Variants in PCCA observed in about 807,000 individuals in gnomAD.
The protein encoded by PCCA is propionyl-CoA carboxylase alpha chain, mitochondrial.
PCCA carries 74 observed loss-of-function variants against 101.3 expected under a neutral mutation model. That is an observed-to-expected ratio of 0.73 (90% CI 0.61 to 0.89). PCCA has a LOEUF of 0.89. Among genes scored for constraint, PCCA ranks in the 40% least tolerant of loss-of-function variants. PCCA has a pLI of 0.00. For synonymous variants in PCCA, 294 were observed against 313.6 expected (o/e 0.94, Z 0.66); for missense variants, 891 against 907.0 (o/e 0.98, Z 0.23).
intron 21 of PCCA, among the ~76,000 whole-genome samples, chr13:100,478,454 G>C (rs748429486): frequency 6.6e-6 from 1 of 152,160 alleles, no homozygotes; most frequent in Non-Finnish European, 1.5e-5. Flanking sequence ...TGCCTGGGAG[G>C]CCCCACCCCT....
chr13:100,194,761 G>C (rs1449016384), intron 6 of PCCA, among the ~76,000 whole-genome samples: 1 of 152,100 alleles, frequency 6.6e-6, no homozygotes, highest in Non-Finnish European at 1.5e-5. Flanking sequence ...CTAAACAAAA[G>C]ATCTCTTGCC....
chr13:100,217,136 T>A (rs2059567262), intron 7 of PCCA, among the ~76,000 whole-genome samples: 2 of 147,622 alleles, frequency 1.4e-5, no homozygotes, highest in African/African-American at 5.0e-5. Context: ...CACAAGAGAA[T>A]TTGAATCTAT....
At chr13:100,282,119 C>G (rs2064167969) in intron 12 of PCCA, among the ~76,000 whole-genome samples, 1 of 152,070 alleles carries the variant, frequency 6.6e-6, no homozygotes, top group Non-Finnish European at 1.5e-5. Context: ...ATCCTTTGCC[C>G]TTTGGGTTTT....
At chr13:100,117,411 A>G (rs61970359) in intron 4 of PCCA, among the ~76,000 whole-genome samples, 10,828 of 151,112 alleles carry the variant, frequency 0.072, 538 homozygotes, top group Non-Finnish European at 0.11. Flanking sequence ...ATTTGTATCC[A>G]TATGTACATT....
intron 6 of PCCA, among the ~76,000 whole-genome samples, chr13:100,192,219 A>G (rs958145682): frequency 6.6e-6 from 1 of 152,192 alleles, no homozygotes; most frequent in African/African-American, 2.4e-5. Context: ...CTTTAGTTCA[A>G]TTGCCATTAG....
intron 18 of PCCA, among the ~76,000 whole-genome samples, chr13:100,344,716 C>T (rs2071927152): frequency 6.6e-6 from 1 of 152,154 alleles, no homozygotes; most frequent in Non-Finnish European, 1.5e-5. Flanking sequence ...ACAGGCACAC[C>T]TCATTTCATT....
At chr13:100,441,568 AT>A (rs940754235) in intron 20 of PCCA, among the ~76,000 whole-genome samples, 27 of 152,330 alleles carry the variant, frequency 1.8e-4, no homozygotes, top group Non-Finnish European at 3.8e-4. Flanking sequence ...CTTCTAAAGT[AT>A]TTTTTAAAGA....
At chr13:100,132,104 C>A (rs1234808893) in intron 4 of PCCA, among the ~76,000 whole-genome samples, 6 of 151,998 alleles carry the variant, frequency 3.9e-5, no homozygotes, top group Non-Finnish European at 8.8e-5. Flanking sequence ...AAACAGGAGG[C>A]CTGCAGTGTT....
chr13:100,359,939 A>G (rs1175131627), intron 18 of PCCA, among the ~76,000 whole-genome samples: 2 of 152,188 alleles, frequency 1.3e-5, no homozygotes, highest in Non-Finnish European at 2.9e-5. Context: ...TGTGGAAGAA[A>G]TTGGCACATT....
At chr13:100,102,840 C>G in intron 1 of PCCA, 43 bp from the exon 2 acceptor site, 1 of 1,286,030 alleles carries the variant, frequency 7.8e-7, no homozygotes, top group Non-Finnish European at 1.1e-6. Context: ...GTTCTAAAGC[C>G]CATCAAGTAT....
At chr13:100,121,764 G>A (rs1187350326) in intron 4 of PCCA, among the ~76,000 whole-genome samples, 1 of 152,176 alleles carries the variant, frequency 6.6e-6, no homozygotes, top group African/African-American at 2.4e-5. Flanking sequence ...ATGAGCTACT[G>A]TGCCCGGCCA....
At chr13:100,382,744 A>G (rs959225376) in intron 19 of PCCA, among the ~76,000 whole-genome samples, 3 of 152,198 alleles carry the variant, frequency 2.0e-5, no homozygotes, top group African/African-American at 7.2e-5. Flanking sequence ...CGCTAATTCA[A>G]CATATAATAT....
rs924998361 is a variant in PCCA, at chr13:100,201,882, A to C, written c.469-7450A>C. Among the ~76,000 whole-genome samples the C allele has an allele frequency of 6.4e-3, 946 of 147,236 alleles. 21 individuals carry two copies. Among genetic ancestry groups the C allele is most frequent in the East Asian group, 0.016 (82 of 5,088 alleles). On this transcript the variant is annotated intron_variant, in intron 6 of 23. Coordinates refer to ENST00000376285, the MANE Select transcript of PCCA (RefSeq NM_000282.4). The stretch of plus-strand genomic sequence containing the variant: ...CAAAAAAAAAAAAAAAAAAAAAAAA[A>C]AAAAAACCAAAAGCAGGGAGTGAAT...
At chr13:100,116,742 A>C (rs116731333) in intron 4 of PCCA, among the ~76,000 whole-genome samples, 1 of 152,138 alleles carries the variant, frequency 6.6e-6, no homozygotes, top group African/African-American at 2.4e-5. Flanking sequence ...CTTAGGGTAG[A>C]TAAGGAGTTG....
intron 21 of PCCA, among the ~76,000 whole-genome samples, chr13:100,506,358 A>G (rs1161745122): frequency 3.8e-5 from 5 of 131,598 alleles, no homozygotes; most frequent in African/African-American, 1.4e-4. Context: ...CTGCTACTTC[A>G]GACCAGAAAC....
intron 22 of PCCA, among the ~76,000 whole-genome samples, chr13:100,527,066 G>A (rs1055572280): frequency 2.6e-5 from 4 of 152,098 alleles, no homozygotes; most frequent in Admixed American, 6.5e-5. Context: ...CCAGTTCCCC[G>A]GGACTATAGA....
At chr13:100,163,103 G>GT (rs1213584591) in intron 6 of PCCA, among the ~76,000 whole-genome samples, 1 of 152,190 alleles carries the variant, frequency 6.6e-6, no homozygotes, top group Non-Finnish European at 1.5e-5. Flanking sequence ...TCCCTTTACA[G>GT]TTAGGGAGTC....
chr13:100,311,730 A>G (rs564141286), intron 16 of PCCA, among the ~76,000 whole-genome samples: 4 of 152,336 alleles, frequency 2.6e-5, no homozygotes, highest in African/African-American at 9.6e-5. Context: ...AGATCGCGCC[A>G]TCACACTCCA....
At chr13:100,261,466 A>G (rs1226467301) in intron 9 of PCCA, among the ~76,000 whole-genome samples, 1 of 151,788 alleles carries the variant, frequency 6.6e-6, no homozygotes, top group Non-Finnish European at 1.5e-5. Flanking sequence ...CCCAGGTTCA[A>G]GCGGTTCTCC....
Sources: allele counts gnomAD v4.1 joint callset (sites outside exome capture counted in the v4.1 genomes callset), GRCh38; gene constraint gnomAD v4.1.1; transcripts MANE v1.5; gene names NCBI Gene and HGNC (gene_info 2026-07-23, HGNC 2026-07-21).